Variants in DSCAML1 observed in about 807,000 individuals in gnomAD.
DSCAML1 encodes DS cell adhesion molecule like 1, also known as cell adhesion molecule DSCAML1.
DSCAML1 carries 38 observed loss-of-function variants against 200.5 expected under a neutral mutation model. That is an observed-to-expected ratio of 0.19 (90% CI 0.15 to 0.25). DSCAML1 has a LOEUF of 0.25. Ranked by LOEUF, DSCAML1 falls within the 10% of genes least tolerant of loss-of-function variation. DSCAML1 has a pLI of 1.00. For synonymous variants in DSCAML1, 1,215 were observed against 1,165.0 expected, an observed-to-expected ratio of 1.04 and a Z score of -0.87; for missense variants, 2,223 against 2,858.8, an observed-to-expected ratio of 0.78 and a Z score of 5.07.
chr11:117,476,932 C>CA (rs1230002895), intron 14 of DSCAML1, among the ~76,000 whole-genome samples: 1 of 152,084 alleles, frequency 6.6e-6, no homozygotes, highest in Non-Finnish European at 1.5e-5. Flanking sequence ...AGAAGGGAAG[C>CA]AGAGACACAG....
At chr11:117,650,998 A>T (rs1230024529) in intron 3 of DSCAML1, among the ~76,000 whole-genome samples, 1 of 152,168 alleles carries the variant, frequency 6.6e-6, no homozygotes, top group African/African-American at 2.4e-5. Flanking sequence ...CTGTGTGCCT[A>T]ATTTGTCTTC....
chr11:117,748,507 G>A (rs538232384), intron 3 of DSCAML1, among the ~76,000 whole-genome samples: 1 of 152,180 alleles, frequency 6.6e-6, no homozygotes, highest in Admixed American at 6.5e-5. Flanking sequence ...CTCAGCTTTT[G>A]TGTCAGCCCT....
At position 117,450,571 on chromosome 11, in the gene DSCAML1, G is replaced by A; in HGVS notation, c.3686C>T (p.Ser1229Phe). 1 of 1,614,170 alleles carries A rather than the reference G, an allele frequency of 6.2e-7. No homozygotes were observed. The highest frequency in any genetic ancestry group is 8.5e-7 in the Non-Finnish European group (1 of 1,180,030). Residue 1229 changes from serine (S) to phenylalanine (F), a missense_variant, in exon 20 of 33, where the codon TCC (serine) becomes TTC (phenylalanine). By Grantham distance (155) the Ser-to-Phe change is radical. Transcript: ENST00000651296. Reference protein sequence around the residue: ...GVIRKYTIFCSSPGSGQPAPS... With the variant: ...GVIRKYTIFCFSPGSGQPAPS... ...TACCGGCTGGCCAGACCCGGGGCTG[G>A]AACAGAAGATGGTGTACTTGCGGAT...
intron 3 of DSCAML1, among the ~76,000 whole-genome samples, chr11:117,650,700 T>TGCGCAC (rs1555194702): frequency 1.4e-5 from 2 of 147,352 alleles, no homozygotes; most frequent in African/African-American, 5.0e-5. Flanking sequence ...TGTGTGTGTG[T>TGCGCAC]GCGTGTGTGT....
intron 8 of DSCAML1, among the ~76,000 whole-genome samples, chr11:117,510,612 C>T (rs1442855263): frequency 6.6e-6 from 1 of 152,106 alleles, no homozygotes. Context: ...GGAGACATCT[C>T]TGGGGTATTT....
chr11:117,766,848 C>T (rs369032250), intron 3 of DSCAML1, among the ~76,000 whole-genome samples: 16 of 152,084 alleles, frequency 1.1e-4, no homozygotes, highest in Non-Finnish European at 8.8e-5. Flanking sequence ...AACCAACTGG[C>T]GTGCAAGTGC....
At chr11:117,625,416 A>AC (rs1222734459) in intron 3 of DSCAML1, among the ~76,000 whole-genome samples, 4 of 152,216 alleles carry the variant, frequency 2.6e-5, no homozygotes, top group Non-Finnish European at 5.9e-5. Context: ...TAAATGACTG[A>AC]TGAGCAGGGG....
At chr11:117,573,649 G>A (rs1030495493) in intron 3 of DSCAML1, among the ~76,000 whole-genome samples, 3 of 152,186 alleles carry the variant, frequency 2.0e-5, no homozygotes, top group Middle Eastern at 3.2e-3. Context: ...GCCTCCTGTC[G>A]CCGACCACTT....
At position 117,785,200 on chromosome 11, in the gene DSCAML1, A is replaced by G. The variant is rs1253067856; in HGVS notation, c.47-4390T>C. Among the ~76,000 whole-genome samples, 3 of 152,344 alleles carry G rather than the reference A, an allele frequency of 2.0e-5. No homozygotes were observed. The East Asian group carries it at 5.8e-4, about 29-fold the overall frequency. On this transcript the variant is annotated intron_variant, in intron 1 of 32. Transcript: ENST00000651296. Reference sequence around the variant, plus strand: ...TGGCTCCACCTTCCAGGAGCTTGTAAAGGACAGGGGGAGCAGGAAAGGGGG... The same window carrying G: ...TGGCTCCACCTTCCAGGAGCTTGTAGAGGACAGGGGGAGCAGGAAAGGGGG...
At chr11:117,589,039 G>A (rs980459868) in intron 3 of DSCAML1, among the ~76,000 whole-genome samples, 10 of 152,164 alleles carry the variant, frequency 6.6e-5, no homozygotes, top group African/African-American at 9.6e-5. Flanking sequence ...CGTGGGTTTC[G>A]GAGGCTGTTG....
chr11:117,612,221 G>C (rs145372340), intron 3 of DSCAML1, among the ~76,000 whole-genome samples: 1 of 152,194 alleles, frequency 6.6e-6, no homozygotes, highest in South Asian at 2.1e-4. Context: ...TCCAGAAAGA[G>C]CTCCACTGGG....
In DSCAML1 at chr11:117,438,093, G is replaced by A. The variant is rs762572258; in HGVS notation, c.4244-10C>T. 2 of 1,599,478 alleles carry A rather than the reference G, an allele frequency of 1.3e-6. No individual in the cohort carries two copies. The highest frequency in any genetic ancestry group is 1.7e-6 in the Non-Finnish European group (2 of 1,169,676). ...TACTGTAGCACGAAGCCTGCGGAGG[G>A]TAGGCCTGATTCAGGTGGGGGCAGG... On this transcript the variant is annotated splice_polypyrimidine_tract_variant and intron_variant, in intron 24 of 32. Transcript: ENST00000651296.
chr11:117,505,427 C>G lies in DSCAML1; in HGVS notation c.2062+27G>C. ...AGCAGGCAGAATGGGCTCCTCCCTC[C>G]CCTGAGGCTGGCCTGTCCCTGCTCA... is the stretch of plus-strand genomic sequence containing the variant. On this transcript the variant is annotated intron_variant, in intron 9 of 32. Coordinates refer to ENST00000651296, the MANE Select transcript of DSCAML1 (RefSeq NM_020693.4). The surrounding 1 kb of genome is among the most constrained non-coding windows in gnomAD (Gnocchi z 6.7). The G allele has an allele frequency of 6.3e-7, 1 of 1,599,040 alleles. No individual in the cohort carries two copies. The highest frequency in any genetic ancestry group is 8.5e-7 in the Non-Finnish European group (1 of 1,175,264).
chr11:117,515,706 T>C (rs184449583), intron 8 of DSCAML1, among the ~76,000 whole-genome samples: 22 of 144,260 alleles, frequency 1.5e-4, no homozygotes, highest in African/African-American at 5.4e-4. Flanking sequence ...CTGCAACCTC[T>C]GCCTCCCAGG....
chr11:117,618,617 C>G (rs2137545370), intron 3 of DSCAML1, among the ~76,000 whole-genome samples: 1 of 152,228 alleles, frequency 6.6e-6, no homozygotes, highest in East Asian at 1.9e-4. Context: ...TAAAATATCC[C>G]TAAAGTGTCC....
chr11:117,557,493 C>A (rs1335955199), intron 3 of DSCAML1, among the ~76,000 whole-genome samples: 2 of 152,164 alleles, frequency 1.3e-5, no homozygotes, highest in Admixed American at 6.5e-5. Context: ...CCCAGGAGTC[C>A]CTGCCCGCCT....
At chr11:117,444,318 G>A (rs375479875) in intron 20 of DSCAML1, among the ~76,000 whole-genome samples, 2 of 152,358 alleles carry the variant, frequency 1.3e-5, no homozygotes, top group East Asian at 3.9e-4. Context: ...GCTCAGGCCA[G>A]GGGATGTGAG....
intron 3 of DSCAML1, among the ~76,000 whole-genome samples, chr11:117,727,478 T>G (rs1475888824): frequency 6.6e-6 from 1 of 152,218 alleles, no homozygotes; most frequent in African/African-American, 2.4e-5. Context: ...AAGTTGGGTG[T>G]GACTGCTGAG....
chr11:117,522,537 T>C (rs1461331552), intron 5 of DSCAML1, among the ~76,000 whole-genome samples: 1 of 152,166 alleles, frequency 6.6e-6, no homozygotes, highest in East Asian at 1.9e-4. Context: ...GTACCCCAAG[T>C]GAGGAAGCCT....
Sources: gnomAD v4.1 joint callset for allele counts (sites outside exome capture counted in the v4.1 genomes callset) on GRCh38, gnomAD v4.1.1 for gene constraint, Gnocchi (gnomAD v3.1) non-coding constraint, MANE v1.5 for transcripts, NCBI Gene and HGNC (gene_info 2026-07-23, HGNC 2026-07-21) for gene names.